LMNTD1: variants seen among roughly 807,000 people sequenced by gnomAD.
LMNTD1 encodes the protein lamin tail domain-containing protein 1.
In LMNTD1, 35 loss-of-function variants were observed where a neutral mutation model predicts 50.9. The observed-to-expected ratio is 0.69, with a 90% CI of 0.53 to 0.91. LMNTD1 has a LOEUF of 0.91. Among genes scored for constraint, LMNTD1 ranks in the 40% least tolerant of loss-of-function variants. The pLI is 0.00. For synonymous variants in LMNTD1, 153 were observed against 161.9 expected, an observed-to-expected ratio of 0.94 and a Z score of 0.42; for missense variants, 470 against 475.5, an observed-to-expected ratio of 0.99 and a Z score of 0.11.
chr12:25,602,224 T>G (rs1476673900), intron 1 of LMNTD1, among the ~76,000 whole-genome samples: 1 of 151,960 alleles, frequency 6.6e-6, no homozygotes, highest in Non-Finnish European at 1.5e-5. Flanking sequence ...TTAGGCAGCA[T>G]AACTCTGGTT....
At chr12:25,518,611 G>A (rs1429196243) in intron 8 of LMNTD1, among the ~76,000 whole-genome samples, 184 bp downstream of exon 8, 1 of 152,168 alleles carries the variant, frequency 6.6e-6, no homozygotes, top group Admixed American at 6.5e-5. Context: ...TAGCACAGTG[G>A]AAGACACTGT....
chr12:25,514,422 T>C (rs34601474), intron 8 of LMNTD1, among the ~76,000 whole-genome samples: 35,162 of 152,054 alleles, frequency 0.23, 4,208 homozygotes, highest in South Asian at 0.3. Flanking sequence ...AAACACACAA[T>C]GTTCTCACTT....
chr12:25,622,467 G>GCCCCCCCC (rs796827249), intron 1 of LMNTD1, among the ~76,000 whole-genome samples: 1 of 92,874 alleles, frequency 1.1e-5, no homozygotes, highest in Non-Finnish European at 2.5e-5. Flanking sequence ...TTGTGAGCCC[G>GCCCCCCCC]CCCCCCCCCG....
intron 9 of LMNTD1, among the ~76,000 whole-genome samples, chr12:25,477,001 GGCA>G (rs1419108280): frequency 2.6e-5 from 4 of 152,256 alleles, no homozygotes; most frequent in Middle Eastern, 3.4e-3. Context: ...AGTTTCCTGA[GGCA>G]GCGTGACCCA....
intron 1 of LMNTD1, among the ~76,000 whole-genome samples, chr12:25,567,846 T>G (rs1944619301): frequency 7.1e-6 from 1 of 139,890 alleles, no homozygotes; most frequent in African/African-American, 2.7e-5. Flanking sequence ...CTCTTTTATT[T>G]ATAAACTACC....
Position 25,518,855 on chromosome 12 carries a change from C to T in LMNTD1, c.1129G>A (p.Ala377Thr). Residue 377 changes from alanine to threonine, a missense_variant, in exon 8 of 10, where the codon GCT becomes ACT. By Grantham distance (58) the Ala-to-Thr change is moderately conservative. Coordinates refer to ENST00000458174, the MANE Select transcript of LMNTD1 (RefSeq NM_001145728.2). Reference sequence around the variant, plus strand: ...GGCTGTCTATCCAATCTGCCTCCAGCGGTGGATGTATTGTGTGGTTCAATC... The same window carrying T: ...GGCTGTCTATCCAATCTGCCTCCAGTGGTGGATGTATTGTGTGGTTCAATC... ...PLIEPHNTSTAGGRLDRQPRT... is the reference protein window; with the variant it reads ...PLIEPHNTSTTGGRLDRQPRT... The T allele has an allele frequency of 1.9e-6, 3 of 1,614,030 alleles. No individual in the cohort carries two copies. Among genetic ancestry groups the T allele is most frequent in the South Asian group, 2.2e-5 (2 of 91,068 alleles).
intron 1 of LMNTD1, among the ~76,000 whole-genome samples, chr12:25,571,474 C>T (rs752989671): frequency 2.5e-4 from 38 of 150,936 alleles, no homozygotes; most frequent in Non-Finnish European, 4.4e-5. Context: ...CGCCATTCTC[C>T]TGCCTTAGCC....
chr12:25,603,948 G>GA (rs953117312), intron 1 of LMNTD1, among the ~76,000 whole-genome samples: 1 of 149,010 alleles, frequency 6.7e-6, no homozygotes, highest in Admixed American at 6.6e-5. Flanking sequence ...ACGAATATTG[G>GA]GGGGGAAGGC....
At chr12:25,605,980 C>G (rs1946091041) in intron 1 of LMNTD1, among the ~76,000 whole-genome samples, 1 of 152,118 alleles carries the variant, frequency 6.6e-6, no homozygotes, top group South Asian at 2.1e-4. Flanking sequence ...GAATGTTCTT[C>G]CATTTGTTTG....
intron 9 of LMNTD1, among the ~76,000 whole-genome samples, chr12:25,488,905 C>T (rs1045063121): frequency 3.1e-4 from 47 of 152,054 alleles, no homozygotes; most frequent in Non-Finnish European, 5.9e-4. Context: ...TGTCAGTGTG[C>T]CCCTGCTGGG....
At chr12:25,638,395 T>C (rs1323013787) in intron 1 of LMNTD1, among the ~76,000 whole-genome samples, 2 of 152,038 alleles carry the variant, frequency 1.3e-5, no homozygotes, top group African/African-American at 2.4e-5. Context: ...AAAGAAGTAG[T>C]AGTTTATCTA....
chr12:25,568,494 G>A (rs1022707599), intron 1 of LMNTD1, among the ~76,000 whole-genome samples: 2 of 152,228 alleles, frequency 1.3e-5, no homozygotes, highest in Non-Finnish European at 2.9e-5. Flanking sequence ...AGAGAGATTT[G>A]TATGACTGAC....
chr12:25,606,188 C>T (rs574894819), intron 1 of LMNTD1, among the ~76,000 whole-genome samples: 13 of 152,246 alleles, frequency 8.5e-5, no homozygotes, highest in African/African-American at 3.1e-4. Context: ...GATTTTGTAT[C>T]CTGAGACTTT....
Position 25,594,763 on chromosome 12 carries a change from G to A in LMNTD1, c.59-48209C>T, listed in dbSNP as rs561374918. Among the ~76,000 whole-genome samples, 3 of 149,932 alleles carry A rather than the reference G, an allele frequency of 2.0e-5. No homozygotes were observed. In the South Asian group the frequency reaches 6.3e-4, roughly 32 times the overall value. On this transcript the variant is annotated intron_variant, in intron 1 of 7. Transcript: ENST00000445693. ...AACTTTGAATGTAAATGGCCTAAAC[G>A]CTCCACTTAAAAGACTCAGAATTGC... is the stretch of plus-strand genomic sequence containing the variant.
intron 4 of LMNTD1, among the ~76,000 whole-genome samples, chr12:25,533,623 T>G (rs577618013): frequency 6.6e-6 from 1 of 152,234 alleles, no homozygotes; most frequent in East Asian, 1.9e-4. Context: ...GATGAAAGGG[T>G]ACAGCATTTA....
intron 1 of LMNTD1, among the ~76,000 whole-genome samples, chr12:25,604,667 AG>A (rs1332821010): frequency 6.6e-6 from 1 of 152,166 alleles, no homozygotes; most frequent in East Asian, 1.9e-4. Flanking sequence ...GTCCCCATAA[AG>A]GACATGAACT....
At chr12:25,509,156 G>A (rs1322816686) in intron 8 of LMNTD1, among the ~76,000 whole-genome samples, 1 of 152,188 alleles carries the variant, frequency 6.6e-6, no homozygotes, top group Non-Finnish European at 1.5e-5. Context: ...CGTCCAGGCT[G>A]GAGTGCAATG....
intron 1 of LMNTD1, among the ~76,000 whole-genome samples, chr12:25,605,192 G>GCTGT (rs1379568681): frequency 2.6e-5 from 4 of 151,172 alleles, no homozygotes; most frequent in Admixed American, 2.6e-4. Context: ...TTTTGATGGG[G>GCTGT]TTGTTTTTTT....
At chr12:25,549,720 CTTT>C (rs1258784990) in intron 2 of LMNTD1, among the ~76,000 whole-genome samples, 174 bp from the exon 3 acceptor site, 1 of 152,014 alleles carries the variant, frequency 6.6e-6, no homozygotes, top group African/African-American at 2.4e-5. Flanking sequence ...AAATAAAACA[CTTT>C]ATTATCAATA....
Sources: gnomAD v4.1 joint callset for allele counts (sites outside exome capture counted in the v4.1 genomes callset) on GRCh38, gnomAD v4.1.1 for gene constraint, MANE v1.5 for transcripts, NCBI Gene and HGNC (gene_info 2026-07-23, HGNC 2026-07-21) for gene names.